The following LHFPL6 variants were observed in gnomAD, a reference collection of about 807,000 sequenced individuals.
LHFPL6 encodes the protein LHFPL tetraspan subfamily member 6 protein.
Under a neutral mutation model 20.6 loss-of-function variants are expected in LHFPL6, and 9 were observed. The observed-to-expected ratio is 0.44, with a 90% confidence interval of 0.26 to 0.76. The LOEUF (loss-of-function observed/expected upper bound fraction) is 0.76, where lower values mean the gene tolerates loss of function less well. LHFPL6 is among the 30% of genes least tolerant of loss of function. The probability of loss-of-function intolerance (pLI) is 0.20; values close to 1 mark genes in which losing one functional copy is unlikely to be tolerated. For missense variants in LHFPL6, 218 were observed against 253.5 expected, an observed-to-expected ratio of 0.86 and a Z score of 0.95; for synonymous variants, 105 against 98.7, an observed-to-expected ratio of 1.06 and a Z score of -0.38.
chr13:39,583,169 C>CTG (rs758145323), intron 2 of LHFPL6, among the ~76,000 whole-genome samples: 11 of 114,166 alleles, frequency 9.6e-5, no homozygotes, highest in Non-Finnish European at 1.7e-4. Flanking sequence ...ATGCCAAATT[C>CTG]TTTTTTTTTT....
chr13:39,574,439 T>C (rs952403985), intron 2 of LHFPL6, among the ~76,000 whole-genome samples: 39 of 144,448 alleles, frequency 2.7e-4, no homozygotes, highest in African/African-American at 5.0e-4. Flanking sequence ...GCTGAGATCG[T>C]GCCACTGCAC....
At chr13:39,389,172 T>C (rs146588456) in intron 2 of LHFPL6, among the ~76,000 whole-genome samples, 123 of 152,282 alleles carry the variant, frequency 8.1e-4, no homozygotes, top group African/African-American at 2.7e-3. Flanking sequence ...GCAGATCATA[T>C]GAGGAACTAC....
At chr13:39,526,342 A>C (rs895494945) in intron 2 of LHFPL6, among the ~76,000 whole-genome samples, 1 of 152,240 alleles carries the variant, frequency 6.6e-6, no homozygotes, top group Non-Finnish European at 1.5e-5. Context: ...ACAGATATAC[A>C]TGGCAGGGGT....
intron 2 of LHFPL6, among the ~76,000 whole-genome samples, chr13:39,574,208 C>A (rs534553243): frequency 6.6e-6 from 1 of 152,142 alleles, no homozygotes; most frequent in Non-Finnish European, 1.5e-5. Context: ...CAAGGCCGGG[C>A]GCGGTGGCTC....
intron 2 of LHFPL6, among the ~76,000 whole-genome samples, chr13:39,593,462 A>G (rs1177573896): frequency 6.6e-6 from 1 of 152,142 alleles, no homozygotes; most frequent in Non-Finnish European, 1.5e-5. Flanking sequence ...ATGAAATAAA[A>G]GAGGATACAA....
chr13:39,580,695 C>T (rs1346053243), intron 2 of LHFPL6, among the ~76,000 whole-genome samples: 1 of 152,166 alleles, frequency 6.6e-6, no homozygotes, highest in Non-Finnish European at 1.5e-5. Flanking sequence ...TCTACTTTAT[C>T]ATGCCTGATA....
intron 3 of LHFPL6, among the ~76,000 whole-genome samples, chr13:39,373,600 C>A (rs1870214130): frequency 6.6e-6 from 1 of 152,186 alleles, no homozygotes; most frequent in Non-Finnish European, 1.5e-5. Flanking sequence ...TATCCTGGGT[C>A]CTGACCAGCT....
At chr13:39,434,137 G>A (rs1871889265) in intron 2 of LHFPL6, among the ~76,000 whole-genome samples, 1 of 152,184 alleles carries the variant, frequency 6.6e-6, no homozygotes, top group African/African-American at 2.4e-5. Context: ...CTTGGCCCCA[G>A]CCCTTGATTT....
At chr13:39,489,791 G>T (rs1300986570) in intron 2 of LHFPL6, among the ~76,000 whole-genome samples, 1 of 152,090 alleles carries the variant, frequency 6.6e-6, no homozygotes, top group African/African-American at 2.4e-5. Context: ...CTGAGCACAA[G>T]TGATCCATCC....
chr13:39,550,162 T>TA (rs1429228345), intron 2 of LHFPL6, among the ~76,000 whole-genome samples: 2 of 152,094 alleles, frequency 1.3e-5, no homozygotes, highest in Admixed American at 6.5e-5. Context: ...CTCTTTTTAA[T>TA]AAAAAAGTTA....
intron 2 of LHFPL6, among the ~76,000 whole-genome samples, chr13:39,484,159 C>T (rs187791854): frequency 4.6e-5 from 7 of 152,262 alleles, no homozygotes; most frequent in African/African-American, 7.2e-5. Flanking sequence ...CTTCTCCACC[C>T]GGTTTCAGAT....
intron 2 of LHFPL6, among the ~76,000 whole-genome samples, chr13:39,565,477 T>C (rs950783631): frequency 3.3e-5 from 5 of 152,232 alleles, no homozygotes; most frequent in Admixed American, 3.3e-4. Context: ...GATGGAATGT[T>C]GGCATAACTA....
intron 2 of LHFPL6, among the ~76,000 whole-genome samples, chr13:39,501,956 C>A (rs1299119130): frequency 6.6e-6 from 1 of 152,236 alleles, no homozygotes; most frequent in African/African-American, 2.4e-5. Context: ...ATGACTCTCG[C>A]AGGACAGTGA....
intron 2 of LHFPL6, among the ~76,000 whole-genome samples, chr13:39,509,442 C>T (rs7989556): frequency 0.38 from 58,059 of 151,802 alleles, 13,533 homozygotes; most frequent in African/African-American, 0.67. Flanking sequence ...GAACATACTA[C>T]GGTTCAGATT....
intron 2 of LHFPL6, among the ~76,000 whole-genome samples, chr13:39,555,043 C>T (rs915661583): frequency 6.6e-6 from 1 of 152,192 alleles, no homozygotes; most frequent in African/African-American, 2.4e-5. Context: ...CAAATAAATA[C>T]TCTTGCTCCA....
At chr13:39,363,025 T>C (rs1869917482) in intron 3 of LHFPL6, among the ~76,000 whole-genome samples, 1 of 152,230 alleles carries the variant, frequency 6.6e-6, no homozygotes, top group African/African-American at 2.4e-5. Flanking sequence ...AGTGGTTATA[T>C]ATTCGATGTG....
intron 2 of LHFPL6, among the ~76,000 whole-genome samples, chr13:39,382,190 T>G (rs1285104161): frequency 6.6e-6 from 1 of 152,200 alleles, no homozygotes; most frequent in African/African-American, 2.4e-5. Flanking sequence ...GAATGTCTCC[T>G]ATACCAAGTT....
At chr13:39,551,840 T>C (rs1871152252) in intron 2 of LHFPL6, among the ~76,000 whole-genome samples, 1 of 152,150 alleles carries the variant, frequency 6.6e-6, no homozygotes, top group African/African-American at 2.4e-5. Flanking sequence ...TTCTTCAAAG[T>C]CAAGTTTCGA....
chr13:39,506,830 A>C (rs927329116), intron 2 of LHFPL6, among the ~76,000 whole-genome samples: 2 of 152,188 alleles, frequency 1.3e-5, no homozygotes, highest in African/African-American at 4.8e-5. Context: ...AGCACAAGAA[A>C]AGGAGGTGAA....
Sources: allele counts gnomAD v4.1 joint callset (sites outside exome capture counted in the v4.1 genomes callset), GRCh38; gene constraint gnomAD v4.1.1; transcripts MANE v1.5; gene names NCBI Gene and HGNC (gene_info 2026-07-23, HGNC 2026-07-21).